Variants in CYP3A43 observed in about 807,000 individuals in gnomAD.
The protein encoded by CYP3A43 is cytochrome P450 3A43.
CYP3A43 carries 45 observed loss-of-function variants against 58.0 expected under a neutral mutation model. The observed-to-expected ratio is 0.78, with a 90% CI of 0.61 to 0.99. CYP3A43 has a LOEUF of 0.99. Among genes scored for constraint, CYP3A43 ranks in the 50% least tolerant of loss-of-function variants. CYP3A43 has a pLI of 0.00. For missense variants in CYP3A43, 593 were observed against 591.9 expected, an observed-to-expected ratio of 1.00 and a Z score of -0.02; for synonymous variants, 191 against 201.4, an observed-to-expected ratio of 0.95 and a Z score of 0.44.
At chr7:99,840,257 T>G (rs776371416) in intron 3 of CYP3A43, among the ~76,000 whole-genome samples, 1 of 152,212 alleles carries the variant, frequency 6.6e-6, no homozygotes, top group African/African-American at 2.4e-5. Context: ...AGGCTACATA[T>G]CTTTCTGGAT....
intron 3 of CYP3A43, among the ~76,000 whole-genome samples, chr7:99,843,148 C>T (rs190481708): frequency 6.6e-6 from 1 of 152,278 alleles, no homozygotes; most frequent in African/African-American, 2.4e-5. Flanking sequence ...TTTTCACATG[C>T]AAAATGCAGA....
chr7:99,847,600 A>G lies in CYP3A43; in HGVS notation c.431A>G (p.Glu144Gly). The change falls in exon 5 of 13, where the codon GAA becomes GGA. Residue 144 changes from glutamate to glycine, a missense_variant and splice_region_variant. Physicochemically the swap from Glu to Gly is moderately conservative, Grantham distance 98. Transcript: ENST00000354829. ...GCTTTCACCAGTGTAAAATTCAAGG[A>G]AGTAAGAAAATAAGGTGATTTATAA... ...SPAFTSVKFK[E>G]MVPIISQCGD... 1 of 1,613,660 alleles carries G rather than the reference A, an allele frequency of 6.2e-7. No homozygotes were observed. Among genetic ancestry groups the G allele is most frequent in the Non-Finnish European group, 8.5e-7 (1 of 1,179,738 alleles).
chr7:99,860,624 G>A (rs1297352009), intron 10 of CYP3A43, among the ~76,000 whole-genome samples: 1 of 152,204 alleles, frequency 6.6e-6, no homozygotes, highest in African/African-American at 2.4e-5. Flanking sequence ...GCTGGCCCTG[G>A]TTTGGCAGTG....
chr7:99,862,739 C>A (rs1333517203), intron 11 of CYP3A43, among the ~76,000 whole-genome samples: 1 of 152,194 alleles, frequency 6.6e-6, no homozygotes, highest in African/African-American at 2.4e-5. Flanking sequence ...ATAAACTTCC[C>A]AATGGCAGGG....
intron 9 of CYP3A43, among the ~76,000 whole-genome samples, chr7:99,858,009 T>A (rs1818053883): frequency 6.6e-6 from 1 of 152,182 alleles, no homozygotes; most frequent in Non-Finnish European, 1.5e-5. Flanking sequence ...AGGGAAACAG[T>A]CTATCGTTTT....
At chr7:99,830,548 A>G (rs560096684) in intron 1 of CYP3A43, among the ~76,000 whole-genome samples, 1 of 152,288 alleles carries the variant, frequency 6.6e-6, no homozygotes, top group South Asian at 2.1e-4. Context: ...AAATAATATT[A>G]GCTCACAGAA....
At chr7:99,852,075 A>G (rs1459869441) in intron 7 of CYP3A43, among the ~76,000 whole-genome samples, 1 of 152,222 alleles carries the variant, frequency 6.6e-6, no homozygotes, top group Non-Finnish European at 1.5e-5. Context: ...TCCCCATTCA[A>G]TGATCATGAC....
intron 7 of CYP3A43, among the ~76,000 whole-genome samples, chr7:99,852,888 G>T (rs1404300307): frequency 6.6e-6 from 1 of 152,170 alleles, no homozygotes; most frequent in East Asian, 1.9e-4. Context: ...ACGATTGTGT[G>T]TTTTCATTTA....
At chr7:99,863,847 A>T in intron 12 of CYP3A43, 148 bp downstream of exon 12, 1 of 641,920 alleles carries the variant, frequency 1.6e-6, no homozygotes, top group Non-Finnish European at 2.4e-6. Context: ...TTAAAGATGA[A>T]TCACTTCTGG....
intron 1 of CYP3A43, among the ~76,000 whole-genome samples, chr7:99,829,510 C>T (rs1402221912): frequency 2.0e-5 from 3 of 152,084 alleles, no homozygotes; most frequent in African/African-American, 4.8e-5. Flanking sequence ...GAGCAGACTC[C>T]AGAGAAATTG....
At chr7:99,835,375 A>C (rs972868656) in intron 1 of CYP3A43, among the ~76,000 whole-genome samples, 1 of 152,202 alleles carries the variant, frequency 6.6e-6, no homozygotes, top group Non-Finnish European at 1.5e-5. Flanking sequence ...ACTGCTGCTG[A>C]TAAGCCTCTC....
chr7:99,835,184 C>G (rs1426937267), intron 1 of CYP3A43, among the ~76,000 whole-genome samples: 2 of 152,316 alleles, frequency 1.3e-5, no homozygotes, highest in East Asian at 3.9e-4. Context: ...AAAGGTAGCT[C>G]TGGCTTTAAG....
chr7:99,836,207 T>C (rs1817070160), intron 1 of CYP3A43, among the ~76,000 whole-genome samples: 1 of 152,198 alleles, frequency 6.6e-6, no homozygotes, highest in Non-Finnish European at 1.5e-5. Context: ...GTCCTTTGGA[T>C]GTTAATCTGA....
chr7:99,845,982 G>A (rs1184013381), intron 4 of CYP3A43, among the ~76,000 whole-genome samples: 3 of 151,922 alleles, frequency 2.0e-5, no homozygotes. Context: ...TCGCCATGTT[G>A]GCCAGGCTGG....
At chr7:99,834,808 A>G (rs1178163826) in intron 1 of CYP3A43, among the ~76,000 whole-genome samples, 2 of 152,240 alleles carry the variant, frequency 1.3e-5, no homozygotes, top group Non-Finnish European at 2.9e-5. Flanking sequence ...GGTTTTTAAC[A>G]ACCAAACACT....
intron 4 of CYP3A43, among the ~76,000 whole-genome samples, chr7:99,844,555 T>C (rs1052764573): frequency 1.3e-5 from 2 of 152,198 alleles, no homozygotes; most frequent in African/African-American, 4.8e-5. Context: ...ATCAGCACAA[T>C]ATGTACAGAT....
chr7:99,849,416 G>A, intron 6 of CYP3A43, 130 bp from the exon 7 acceptor site: 1 of 1,071,268 alleles, frequency 9.3e-7, no homozygotes, highest in South Asian at 2.0e-5. Context: ...GGGAGATGAT[G>A]CAGCAGATTG....
intron 9 of CYP3A43, among the ~76,000 whole-genome samples, chr7:99,858,638 C>T (rs1225470839): frequency 6.6e-6 from 1 of 151,216 alleles, no homozygotes; most frequent in Non-Finnish European, 1.5e-5. Context: ...CAATGCCCAT[C>T]TATACATGCA....
At chr7:99,839,027 C>A in intron 2 of CYP3A43, 93 bp from the exon 3 acceptor site, 3 of 1,393,966 alleles carry the variant, frequency 2.2e-6, no homozygotes, top group Non-Finnish European at 3.0e-6. Context: ...CTAATGGTAG[C>A]AAGTCATTGG....
Sources: gnomAD v4.1 joint callset for allele counts (sites outside exome capture counted in the v4.1 genomes callset) on GRCh38, gnomAD v4.1.1 for gene constraint, MANE v1.5 for transcripts, NCBI Gene and HGNC (gene_info 2026-07-23, HGNC 2026-07-21) for gene names.